The following CNTN5 variants were observed in gnomAD, a reference collection of about 807,000 sequenced individuals.
CNTN5 encodes contactin-5.
Under a neutral mutation model 129.1 loss-of-function variants are expected in CNTN5, and 77 were observed. The ratio of observed to expected loss-of-function variants is 0.60; its 90% CI spans 0.50 to 0.72. The LOEUF is 0.72. Ranked by LOEUF, CNTN5 falls within the 30% of genes least tolerant of loss-of-function variation. The probability of loss-of-function intolerance (pLI) is 0.00; values close to 1 mark genes in which losing one functional copy is unlikely to be tolerated. For missense variants in CNTN5, 1,478 were observed against 1,328.8 expected (o/e 1.11, Z -1.75); for synonymous variants, 509 against 465.6 (o/e 1.09, Z -1.20).
At chr11:100,193,420 A>C (rs1948549682) in intron 14 of CNTN5, 68 bp from the exon 15 acceptor site, 1 of 1,039,828 alleles carries the variant, frequency 9.6e-7, no homozygotes, top group Admixed American at 3.2e-5. Flanking sequence ...CAATTATTTC[A>C]AGCAAAATAT....
intron 2 of CNTN5, among the ~76,000 whole-genome samples, chr11:99,381,307 T>C (rs1311645952): frequency 6.6e-6 from 1 of 152,156 alleles, no homozygotes; most frequent in Non-Finnish European, 1.5e-5. Context: ...GAAATATCAA[T>C]TAAACTAGGA....
At chr11:99,791,676 G>C (rs1945748071) in intron 3 of CNTN5, among the ~76,000 whole-genome samples, 1 of 152,176 alleles carries the variant, frequency 6.6e-6, no homozygotes, top group South Asian at 2.1e-4. Context: ...GTTTGATACA[G>C]ACAGCAGTGA....
chr11:99,829,816 G>A (rs998901542), intron 4 of CNTN5, among the ~76,000 whole-genome samples: 5 of 152,136 alleles, frequency 3.3e-5, no homozygotes, highest in Non-Finnish European at 7.4e-5. Flanking sequence ...GGTAACATAG[G>A]TTAATTGAAA....
chr11:99,380,081 CTGTGTGTG>C (rs10671165), intron 2 of CNTN5, among the ~76,000 whole-genome samples: 1 of 148,190 alleles, frequency 6.7e-6, no homozygotes, highest in African/African-American at 2.5e-5. Flanking sequence ...AATGGTGTGT[CTGTGTGTG>C]TGTGTGTGTG....
intron 2 of CNTN5, among the ~76,000 whole-genome samples, chr11:99,377,263 A>G (rs2136148627): frequency 6.6e-6 from 1 of 152,108 alleles, no homozygotes; most frequent in South Asian, 2.1e-4. Flanking sequence ...GTATTATAGT[A>G]TCTTTATATT....
intron 1 of CNTN5, among the ~76,000 whole-genome samples, chr11:99,105,607 T>G (rs918555844): frequency 1.3e-5 from 2 of 152,130 alleles, no homozygotes; most frequent in African/African-American, 4.8e-5. Context: ...TTTCTAAATT[T>G]CAAACATGAC....
intron 1 of CNTN5, among the ~76,000 whole-genome samples, chr11:99,213,630 A>G (rs564950032): frequency 6.6e-6 from 1 of 152,046 alleles, no homozygotes; most frequent in South Asian, 2.1e-4. Flanking sequence ...TTCATTATTT[A>G]GTCAGGAAAG....
intron 4 of CNTN5, among the ~76,000 whole-genome samples, chr11:99,827,635 C>A (rs1355020081): frequency 2.6e-5 from 4 of 152,170 alleles, no homozygotes; most frequent in Non-Finnish European, 2.9e-5. Flanking sequence ...GAAACATTTT[C>A]ATAGAGACAA....
intron 3 of CNTN5, among the ~76,000 whole-genome samples, chr11:99,737,381 A>AT (rs1397233533): frequency 6.6e-6 from 1 of 152,222 alleles, no homozygotes; most frequent in African/African-American, 2.4e-5. Flanking sequence ...GTTGATAAAA[A>AT]ATATATAACC....
intron 3 of CNTN5, among the ~76,000 whole-genome samples, chr11:99,714,365 G>C (rs1278669996): frequency 6.6e-6 from 1 of 151,842 alleles, no homozygotes; most frequent in African/African-American, 2.4e-5. Flanking sequence ...ATTTTCACTG[G>C]CTGCTTACAG....
At chr11:100,308,923 T>G (rs2138923384) in intron 21 of CNTN5, 1 of 984,332 alleles carries the variant, frequency 1.0e-6, no homozygotes, top group Non-Finnish European at 1.2e-6. Flanking sequence ...TTCAGATAGT[T>G]TTTTTGGTCC....
At chr11:99,474,347 T>C (rs1361539872) in intron 2 of CNTN5, among the ~76,000 whole-genome samples, 10 of 152,116 alleles carry the variant, frequency 6.6e-5, no homozygotes. Context: ...CCCCACTGAT[T>C]TGAAATCCTA....
intron 6 of CNTN5, among the ~76,000 whole-genome samples, chr11:99,863,726 T>C (rs1181653520): frequency 6.6e-6 from 1 of 152,222 alleles, no homozygotes; most frequent in Non-Finnish European, 1.5e-5. Flanking sequence ...TTGCTGTTGT[T>C]AGCCTAAACT....
At chr11:99,651,244 A>G (rs1018991133) in intron 3 of CNTN5, among the ~76,000 whole-genome samples, 1 of 151,946 alleles carries the variant, frequency 6.6e-6, no homozygotes, top group African/African-American at 2.4e-5. Context: ...CAATCATCAA[A>G]AATTTAGTAA....
intron 3 of CNTN5, among the ~76,000 whole-genome samples, chr11:99,753,679 A>C (rs1376833938): frequency 7.3e-6 from 1 of 136,278 alleles, no homozygotes; most frequent in African/African-American, 2.7e-5. Flanking sequence ...ACAGGTAAAA[A>C]GAAATCACTT....
chr11:99,804,434 C>G (rs533052997), intron 3 of CNTN5, among the ~76,000 whole-genome samples: 1 of 151,852 alleles, frequency 6.6e-6, no homozygotes, highest in South Asian at 2.1e-4. Flanking sequence ...TTCAAAATTA[C>G]TTTCTGAACT....
chr11:99,996,392 T>C (rs573364522), intron 8 of CNTN5, among the ~76,000 whole-genome samples: 2 of 152,326 alleles, frequency 1.3e-5, no homozygotes, highest in Admixed American at 6.5e-5. Context: ...AATGTTTTAC[T>C]CTGATAATCA....
intron 16 of CNTN5, among the ~76,000 whole-genome samples, chr11:100,250,440 G>A (rs1168404745): frequency 1.3e-5 from 2 of 150,452 alleles, no homozygotes; most frequent in Non-Finnish European, 3.0e-5. Context: ...GGGTCTAATT[G>A]TATGTCAAGT....
intron 13 of CNTN5, among the ~76,000 whole-genome samples, chr11:100,143,350 A>C (rs1013478583): frequency 2.0e-5 from 3 of 152,288 alleles, no homozygotes; most frequent in Admixed American, 2.0e-4. Context: ...CTGGAGCCTG[A>C]AAACTGTAAA....
Sources: allele counts gnomAD v4.1 joint callset (sites outside exome capture counted in the v4.1 genomes callset), GRCh38; gene constraint gnomAD v4.1.1; transcripts MANE v1.5; gene names NCBI Gene and HGNC (gene_info 2026-07-23, HGNC 2026-07-21).